ZNF254: variants seen among roughly 807,000 people sequenced by gnomAD.
The protein encoded by ZNF254 is CTD-2017D11.1.
In ZNF254, 10 loss-of-function variants were observed where a neutral mutation model predicts 12.4. That is an observed-to-expected ratio of 0.80 (90% CI 0.50 to 1.36). ZNF254 has a LOEUF of 1.36. ZNF254 is among the 40% of genes most tolerant of loss of function. The probability of loss-of-function intolerance (pLI) is 0.00; values close to 1 mark genes in which losing one functional copy is unlikely to be tolerated. For missense variants in ZNF254, 996 were observed against 763.9 expected (o/e 1.30, Z -3.58); for synonymous variants, 305 against 253.4 (o/e 1.20, Z -1.93).
intron 3 of ZNF254, among the ~76,000 whole-genome samples, chr19:24,122,434 AG>A: frequency 6.6e-6 from 1 of 152,170 alleles, no homozygotes; most frequent in Middle Eastern, 3.4e-3. Flanking sequence ...CATCTTGGCC[AG>A]GCTGGTTTTA....
intron 2 of ZNF254, among the ~76,000 whole-genome samples, chr19:24,061,591 C>T (rs1971068813): frequency 1.3e-5 from 2 of 152,190 alleles, no homozygotes; most frequent in African/African-American, 4.8e-5. Context: ...ACTCTCCTGC[C>T]TTTTCACAGC....
At chr19:24,083,547 G>A (rs952056711), upstream of ZNF254, among the ~76,000 whole-genome samples, 2 of 152,090 alleles carry the variant, frequency 1.3e-5, no homozygotes, top group African/African-American at 4.8e-5. Context: ...GATCAAAAAT[G>A]TTAAGACCTG....
At chr19:24,088,018 C>T (rs1236424082) in intron 1 of ZNF254, among the ~76,000 whole-genome samples, 2 of 149,352 alleles carry the variant, frequency 1.3e-5, no homozygotes, top group Non-Finnish European at 3.0e-5. Flanking sequence ...TGGGTTCAAG[C>T]GATTCTCCTG....
Position 24,128,098 on chromosome 19 carries a change from T to TA in ZNF254, c.*121dup. ...ATGCTTTTGACAGTACCTAAAACTT[T>TA]AAAGAAAATCATTCTGCTGAAAAAT... On this transcript the variant is annotated 3_prime_UTR_variant, in exon 4 of 4. Transcript: ENST00000357002. 9.6e-7 allele frequency: 1 copy of TA among 1,040,640 alleles called. No homozygotes were observed. The highest frequency in any genetic ancestry group is 1.3e-6 in the Non-Finnish European group (1 of 773,954). 64.5% of individuals were successfully genotyped at this position (1,040,640 alleles called of 1,614,324 possible).
intron 1 of ZNF254, among the ~76,000 whole-genome samples, chr19:24,096,146 G>A (rs921918256): frequency 1.3e-5 from 2 of 148,628 alleles, no homozygotes; most frequent in Non-Finnish European, 3.0e-5. Flanking sequence ...AGCAACCTCC[G>A]CCTCTTGGGT....
rs552465198 is a variant in ZNF254, at chr19:24,041,075, AGT to A, written c.-189-5107_-189-5106del. ...AAGCTTGAGAAGCAATGGTCAGCTAAGTGGTTCTTAGCCCAGGCTTCCAGTTA... is the reference window on the plus strand; with the variant it reads ...AAGCTTGAGAAGCAATGGTCAGCTAAGGTTCTTAGCCCAGGCTTCCAGTTA... On this transcript the variant is annotated intron_variant, in intron 1 of 4. Transcript: ENST00000613065. Among the ~76,000 whole-genome samples the A allele has an allele frequency of 3.0e-4, 45 of 152,374 alleles. No homozygotes were observed. In the East Asian group the frequency reaches 8.5e-3, roughly 29 times the overall value.
rs558300332 is a variant in ZNF254, at chr19:24,068,988, C to T, written c.-94+22709C>T. Among the ~76,000 whole-genome samples, 145 of 152,140 alleles carry T rather than the reference C, an allele frequency of 9.5e-4. 1 individual carries two copies. The South Asian group carries it at 0.013, about 14-fold the overall frequency. On this transcript the variant is annotated intron_variant, in intron 2 of 4. Transcript: ENST00000613065. ...AGAGAGTGTCATCAAGGGACAAAAA[C>T]ACTGATGATATTGCGTTTCTTTTCT...
At chr19:24,078,249 G>A (rs922843215) in intron 2 of ZNF254, among the ~76,000 whole-genome samples, 4 of 152,186 alleles carry the variant, frequency 2.6e-5, no homozygotes, top group Non-Finnish European at 4.4e-5. Context: ...TGTTGGCCAG[G>A]CTGGTCTCCA....
Position 24,087,299 on chromosome 19 carries a change from A to G in ZNF254, c.-9A>G, listed in dbSNP as rs914708388. The G allele has an allele frequency of 9.3e-6, 15 of 1,613,412 alleles. No homozygotes were observed. The highest frequency in any genetic ancestry group is 1.3e-5 in the African/African-American group (1 of 75,032). On this transcript the variant is annotated 5_prime_UTR_variant, in exon 1 of 4. Transcript: ENST00000357002. ...TGTTACCAGCAGGTATTGGAGATCC[A>G]CAGCTAAGATGCCAGGACCCCCTAG...
chr19:24,115,330 G>GATTAAGA (rs1446644796), intron 3 of ZNF254, among the ~76,000 whole-genome samples: 1 of 152,100 alleles, frequency 6.6e-6, no homozygotes, highest in African/African-American at 2.4e-5. Flanking sequence ...ATACACCATG[G>GATTAAGA]AATACTATGC....
intron 1 of ZNF254, among the ~76,000 whole-genome samples, chr19:24,045,560 T>C (rs998617024): frequency 6.7e-6 from 1 of 148,808 alleles, no homozygotes; most frequent in African/African-American, 2.5e-5. Flanking sequence ...CCCAGCTACT[T>C]GGGAGGCTGA....
chr19:24,087,225 C>G lies in ZNF254; in HGVS notation c.-83C>G. 4 of 1,593,576 alleles carry G rather than the reference C, an allele frequency of 2.5e-6. No individual in the cohort carries two copies. The highest frequency in any genetic ancestry group is 3.3e-4 in the Middle Eastern group (2 of 6,008). ...GCTGTCGCCGGAGTCCCAGGTCTGT[C>G]TTCACTGCTCTGTGTCCTCTGCTCC... On this transcript the variant is annotated 5_prime_UTR_variant, in exon 1 of 4. Transcript: ENST00000357002.
chr19:24,096,360 G>GT (rs935525156), intron 1 of ZNF254, among the ~76,000 whole-genome samples: 15 of 151,464 alleles, frequency 9.9e-5, no homozygotes, highest in African/African-American at 3.1e-4. Flanking sequence ...TGCCTGGCCT[G>GT]TTTTTTTTGT....
chr19:24,105,764 CAG>C (rs1320911983), intron 1 of ZNF254, 174 bp from the exon 2 acceptor site: 3 of 1,056,706 alleles, frequency 2.8e-6, no homozygotes, highest in Non-Finnish European at 3.8e-6. Context: ...TCTATTTTCT[CAG>C]AGTTAGAGAA....
intron 3 of ZNF254, among the ~76,000 whole-genome samples, chr19:24,116,146 A>G (rs1021584210): frequency 3.3e-5 from 5 of 151,908 alleles, no homozygotes; most frequent in Non-Finnish European, 5.9e-5. Context: ...CTTCGTTTCA[A>G]CTTTGGTCAA....
chr19:24,057,557 C>T (rs974483369), intron 2 of ZNF254, among the ~76,000 whole-genome samples: 9 of 152,176 alleles, frequency 5.9e-5, no homozygotes, highest in African/African-American at 9.7e-5. Flanking sequence ...GCTCATTGTA[C>T]AGTTGAGGTT....
At chr19:24,081,289 C>T (rs1052331428) in intron 2 of ZNF254, among the ~76,000 whole-genome samples, 2 of 152,030 alleles carry the variant, frequency 1.3e-5, no homozygotes, top group East Asian at 1.9e-4. Context: ...TCAGGGAAGT[C>T]GTAGCAATTT....
At position 24,043,725 on chromosome 19, in the gene ZNF254, CAG is replaced by C. The variant is rs566684131; in HGVS notation, c.-189-2457_-189-2456del. 1.8e-3 allele frequency among the ~76,000 whole-genome samples: 270 copies of C among 147,714 alleles called. 2 individuals are homozygous for C. Among genetic ancestry groups the C allele is most frequent in the African/African-American group, 6.4e-3 (261 of 40,854 alleles). On this transcript the variant is annotated intron_variant, in intron 1 of 4. Coordinates refer to the ZNF254 transcript ENST00000613065. Reference sequence around the variant, plus strand: ...AATTTAAAATATTTCTTCATTTAAACAGAAATGTTCTACTCTCCAACTTTTCA... The same window carrying C: ...AATTTAAAATATTTCTTCATTTAAACAAATGTTCTACTCTCCAACTTTTCA...
At chr19:24,087,530 GCGCAGTGA>G (rs1157082244) in intron 1 of ZNF254, among the ~76,000 whole-genome samples, 193 bp downstream of exon 1, 1 of 152,138 alleles carries the variant, frequency 6.6e-6, no homozygotes, top group Non-Finnish European at 1.5e-5. Flanking sequence ...TTTCTTCCCT[GCGCAGTGA>G]CTGTGCCCTG....
Sources: gnomAD v4.1 joint callset for allele counts (sites outside exome capture counted in the v4.1 genomes callset) on GRCh38, gnomAD v4.1.1 for gene constraint, MANE v1.5 for transcripts, NCBI Gene and HGNC (gene_info 2026-07-23, HGNC 2026-07-21) for gene names.